MFSD12: variants seen among roughly 807,000 people sequenced by gnomAD.
MFSD12 encodes major facilitator superfamily domain containing 12.
MFSD12 carries 67 observed loss-of-function variants against 51.2 expected under a neutral mutation model. The observed-to-expected ratio is 1.31, with a 90% confidence interval of 1.08 to 1.60. The LOEUF (loss-of-function observed/expected upper bound fraction) is 1.60. MFSD12 is among the 40% of genes most tolerant of loss of function. MFSD12 has a pLI of 0.00. For missense variants in MFSD12, 921 were observed against 673.0 expected, an observed-to-expected ratio of 1.37 and a Z score of -4.08; for synonymous variants, 441 against 316.7, an observed-to-expected ratio of 1.39 and a Z score of -4.17.
chr19:3,545,840 A>G (rs150679057), intron 8 of MFSD12, among the ~76,000 whole-genome samples: 46 of 152,260 alleles, frequency 3.0e-4, no homozygotes, highest in Admixed American at 1.4e-3. Context: ...CACCCCCGAT[A>G]TATTTCTGTA....
chr19:3,543,704 C>T, downstream of MFSD12: 2 of 1,507,268 alleles, frequency 1.3e-6, no homozygotes, highest in South Asian at 1.3e-5. Context: ...CAGGGTGGGT[C>T]CTTGGGAGGC....
Position 3,546,324 on chromosome 19 carries a change from C to T in MFSD12, c.1125G>A (p.Leu375=), listed in dbSNP as rs1311118446. 1 of 1,608,700 alleles carries T rather than the reference C, an allele frequency of 6.2e-7. No individual in the cohort carries two copies. The highest frequency in any genetic ancestry group is 8.5e-7 in the Non-Finnish European group (1 of 1,178,368). ...GVAVYAAAVL[L]GAGCATILVT... ...CGAGGATGGTGGCACAGCCAGCACCCAGCAGCACAGCCGCTGCGTACACGG... is the reference window on the plus strand; with the variant it reads ...CGAGGATGGTGGCACAGCCAGCACCTAGCAGCACAGCCGCTGCGTACACGG... Residue 375 remains leucine (L), a synonymous_variant, in exon 7 of 10, where the codon CTG becomes CTA. Coordinates refer to ENST00000355415, the MANE Select transcript of MFSD12 (RefSeq NM_174983.5).
At chr19:3,543,758 C>A (rs368884352), downstream of MFSD12, 1 of 1,489,668 alleles carries the variant, frequency 6.7e-7, no homozygotes, top group Non-Finnish European at 9.0e-7. Flanking sequence ...CTGCCCGGGG[C>A]GATCCAGGAG....
Position 3,551,097 on chromosome 19 carries a change from G to A in MFSD12, c.396C>T (p.Gly132=), listed in dbSNP as rs1217355095. Reference sequence around the variant, plus strand: ...CAAACTGGAAGATCACGATGAACGGGCCGTAGTAGAGGAGGGCAGCCCACT... The same window carrying A: ...CAAACTGGAAGATCACGATGAACGGACCGTAGTAGAGGAGGGCAGCCCACT... ...TPEWAALLYY[G]PFIVIFQFGW... Residue 132 remains glycine, a synonymous_variant, in exon 2 of 10, where the codon GGC becomes GGT. Transcript: ENST00000355415. This position sits in a 1 kb window ranked among gnomAD's most constrained non-coding sequence, Gnocchi z 4.6. 4.3e-6 allele frequency: 7 copies of A among 1,613,146 alleles called. No homozygotes were observed. In the South Asian group the frequency reaches 4.4e-5, roughly 10 times the overall value.
At chr19:3,538,631 C>T (rs2030092351) in exon 5 of MFSD12, 1 of 341,922 alleles carries the variant, frequency 2.9e-6, no homozygotes, top group Admixed American at 4.1e-5. Context: ...CTCCTTGTGG[C>T]TGAGTCTCGT....
At chr19:3,541,878 G>A (rs531209625), downstream of MFSD12, 75 of 840,158 alleles carry the variant, frequency 8.9e-5, no homozygotes, top group African/African-American at 1.2e-3. Context: ...ACGCAATCTC[G>A]GCTCACTGCA....
downstream of MFSD12, chr19:3,542,631 C>G (rs1181437139): frequency 1.9e-6 from 2 of 1,026,356 alleles, no homozygotes; most frequent in Non-Finnish European, 2.5e-6. Flanking sequence ...CCCCCGCCCC[C>G]ACACCATGCC....
At chr19:3,540,395 T>C (rs946407275), downstream of MFSD12, among the ~76,000 whole-genome samples, 4 of 151,662 alleles carry the variant, frequency 2.6e-5, no homozygotes, top group Non-Finnish European at 5.9e-5. Flanking sequence ...GTAGCTGGGA[T>C]TACAGGCATG....
At chr19:3,546,208 G>C in intron 7 of MFSD12, 40 bp from the exon 8 acceptor site, 1 of 1,608,432 alleles carries the variant, frequency 6.2e-7, no homozygotes, top group Non-Finnish European at 8.5e-7. Flanking sequence ...TGCACCCCGA[G>C]ATCTAGGACC....
chr19:3,554,673 T>A (rs1029556167), intron 1 of MFSD12, among the ~76,000 whole-genome samples: 1 of 152,212 alleles, frequency 6.6e-6, no homozygotes, highest in African/African-American at 2.4e-5. Context: ...GTTAATGTCC[T>A]TCCTTCTGAA....
At chr19:3,556,338 G>C (rs1257222689) in intron 1 of MFSD12, among the ~76,000 whole-genome samples, 2 of 151,174 alleles carry the variant, frequency 1.3e-5, no homozygotes, top group South Asian at 2.1e-4. Context: ...AGGGTGGCCC[G>C]GGGGCTCAGA....
intron 8 of MFSD12, among the ~76,000 whole-genome samples, chr19:3,545,867 G>A (rs1211957442): frequency 6.6e-6 from 1 of 152,184 alleles, no homozygotes; most frequent in Non-Finnish European, 1.5e-5. Flanking sequence ...CTTCAGCACT[G>A]CACACATGGA....
chr19:3,539,252 G>A (rs779440552), downstream of MFSD12: 881 of 1,548,272 alleles, frequency 5.7e-4, no homozygotes, highest in Non-Finnish European at 7.0e-4. Flanking sequence ...TCCCAGCACC[G>A]CTGTACAGGT....
downstream of MFSD12, chr19:3,542,337 G>A (rs577822072): frequency 1.4e-5 from 14 of 985,382 alleles, no homozygotes; most frequent in African/African-American, 1.4e-4. Flanking sequence ...AGCTGGAACC[G>A]GGCTTTCCGT....
downstream of MFSD12, chr19:3,539,260 G>A: frequency 6.5e-7 from 1 of 1,544,508 alleles, no homozygotes; most frequent in Non-Finnish European, 8.8e-7. Flanking sequence ...CCGCTGTACA[G>A]GTGAGCCCCT....
intron 1 of MFSD12, among the ~76,000 whole-genome samples, chr19:3,556,385 A>G (rs1214458353): frequency 1.3e-5 from 2 of 152,250 alleles, no homozygotes; most frequent in Admixed American, 6.5e-5. Flanking sequence ...TCATGTAGTC[A>G]GATGGTGAGG....
chr19:3,544,852 C>G lies in MFSD12; in HGVS notation c.1377G>C (p.Leu459=), dbSNP rs898891860. Residue 459 remains leucine, a synonymous_variant, in exon 9 of 10, where the codon CTG becomes CTC. Coordinates refer to ENST00000355415, the MANE Select transcript of MFSD12 (RefSeq NM_174983.5). ...GCCACAGCAGGAGGCTACAGAGACA[C>G]AGGGCAGCGGCCACGCCCACGCCGC... The part of the protein sequence containing the change: ...VTGGVGVAAA[L]CLCSLLLWPT... 2 of 1,612,224 alleles carry G rather than the reference C, an allele frequency of 1.2e-6. No homozygotes were observed. Among genetic ancestry groups the G allele is most frequent in the Admixed American group, 1.7e-5 (1 of 59,964 alleles).
At chr19:3,538,671 C>A (rs2030096855) in exon 5 of MFSD12, 2 of 472,568 alleles carry the variant, frequency 4.2e-6, no homozygotes, top group African/African-American at 2.0e-5. Context: ...CGTGCTGATC[C>A]CCTCACCTTC....
intron 2 of MFSD12, among the ~76,000 whole-genome samples, chr19:3,550,278 G>A (rs1033056615): frequency 6.6e-6 from 1 of 152,146 alleles, no homozygotes; most frequent in African/African-American, 2.4e-5. Context: ...GCTGAGTGTG[G>A]TGGCTCATGC....
Sources: gnomAD v4.1 joint callset for allele counts (sites outside exome capture counted in the v4.1 genomes callset) on GRCh38, gnomAD v4.1.1 for gene constraint, Gnocchi (gnomAD v3.1) non-coding constraint, MANE v1.5 for transcripts, NCBI Gene and HGNC (gene_info 2026-07-23, HGNC 2026-07-21) for gene names.